The following KCNAB1 variants were observed in gnomAD, a reference collection of about 807,000 sequenced individuals.
KCNAB1 encodes voltage-gated potassium channel subunit beta-1.
A neutral mutation model predicts 64.6 loss-of-function variants in KCNAB1; 35 were observed. The ratio of observed to expected loss-of-function variants is 0.54; its 90% confidence interval spans 0.41 to 0.72. KCNAB1 has a LOEUF of 0.72. KCNAB1 is among the 30% of genes least tolerant of loss of function. The probability of loss-of-function intolerance (pLI) is 0.00; values close to 1 mark genes in which losing one functional copy is unlikely to be tolerated. For missense variants in KCNAB1, 401 were observed against 512.9 expected (o/e 0.78, Z 2.11); for synonymous variants, 177 against 183.8 (o/e 0.96, Z 0.30).
At chr3:156,284,806 T>C (rs541450657) in intron 1 of KCNAB1, among the ~76,000 whole-genome samples, 3 of 152,230 alleles carry the variant, frequency 2.0e-5, no homozygotes, top group Non-Finnish European at 4.4e-5. Context: ...AGTGAGGCAA[T>C]GCCTCACCCT....
chr3:156,232,479 G>A (rs1045954811), intron 1 of KCNAB1, among the ~76,000 whole-genome samples: 1 of 152,170 alleles, frequency 6.6e-6, no homozygotes, highest in African/African-American at 2.4e-5. Flanking sequence ...TTAGTTTCTT[G>A]TTTCTTGATC....
chr3:156,123,565 T>C (rs1347077972), intron 1 of KCNAB1, among the ~76,000 whole-genome samples: 1 of 152,228 alleles, frequency 6.6e-6, no homozygotes, highest in Non-Finnish European at 1.5e-5. Flanking sequence ...ACATTAGGTT[T>C]GTGGTAAGTA....
chr3:156,207,006 C>G (rs1714706677), intron 1 of KCNAB1, among the ~76,000 whole-genome samples: 1 of 152,188 alleles, frequency 6.6e-6, no homozygotes, highest in East Asian at 1.9e-4. Flanking sequence ...AATTGAGGGA[C>G]TGTAAATTTG....
intron 1 of KCNAB1, among the ~76,000 whole-genome samples, chr3:156,381,820 A>G (rs991086944): frequency 6.6e-5 from 10 of 152,186 alleles, no homozygotes; most frequent in Non-Finnish European, 1.2e-4. Context: ...AAAACTGGTA[A>G]TACCTATCCA....
intron 8 of KCNAB1, among the ~76,000 whole-genome samples, chr3:156,493,717 C>T (rs1267523827): frequency 3.3e-5 from 5 of 152,134 alleles, no homozygotes; most frequent in Non-Finnish European, 2.9e-5. Context: ...ATCAGCTCTT[C>T]AGGCTTTGTC....
intron 1 of KCNAB1, among the ~76,000 whole-genome samples, chr3:156,199,524 C>A (rs1399610728): frequency 1.3e-5 from 2 of 152,142 alleles, no homozygotes; most frequent in African/African-American, 4.8e-5. Context: ...CCTTTTCATT[C>A]TTTTTTCTCT....
Position 156,465,635 on chromosome 3 carries a change from C to T in KCNAB1, c.528-8C>T, listed in dbSNP as rs760821726. On this transcript the variant is annotated splice_region_variant and splice_polypyrimidine_tract_variant and intron_variant, in intron 6 of 13. Transcript: ENST00000490337. ...CATTCAAAGTTATTTGCTTCTTTTT[C>T]TTGGCAGAGCTGAAACAGAAAGAGG... 1.4e-5 allele frequency: 22 copies of T among 1,612,080 alleles called. No homozygotes were observed. Among genetic ancestry groups the T allele is most frequent in the Non-Finnish European group, 1.7e-5 (20 of 1,178,380 alleles).
intron 1 of KCNAB1, among the ~76,000 whole-genome samples, chr3:156,137,404 C>T (rs776447808): frequency 8.5e-5 from 13 of 152,218 alleles, no homozygotes; most frequent in East Asian, 1.9e-4. Flanking sequence ...CTGTAACATG[C>T]ACCCCCTCCC....
intron 1 of KCNAB1, among the ~76,000 whole-genome samples, chr3:156,287,607 A>G (rs1401458849): frequency 6.6e-6 from 1 of 152,144 alleles, no homozygotes; most frequent in Admixed American, 6.5e-5. Context: ...CGAGGTGGGC[A>G]GATCAGGTCA....
chr3:156,177,964 C>T (rs1197377315), intron 1 of KCNAB1, among the ~76,000 whole-genome samples: 2 of 152,036 alleles, frequency 1.3e-5, no homozygotes, highest in Non-Finnish European at 2.9e-5. Context: ...TCTCAAACTC[C>T]TGACTTCGTG....
intron 1 of KCNAB1, among the ~76,000 whole-genome samples, chr3:156,230,646 A>G (rs1716461928): frequency 6.6e-6 from 1 of 152,230 alleles, no homozygotes; most frequent in African/African-American, 2.4e-5. Flanking sequence ...AAAGATGTCA[A>G]CATCCAAATA....
At chr3:156,490,127 A>C (rs757482599) in intron 8 of KCNAB1, among the ~76,000 whole-genome samples, 9 of 152,074 alleles carry the variant, frequency 5.9e-5, no homozygotes, top group Non-Finnish European at 1.3e-4. Context: ...ATGAGACTTG[A>C]GACCCCAGAC....
intron 1 of KCNAB1, among the ~76,000 whole-genome samples, chr3:156,376,967 G>A: frequency 6.6e-6 from 1 of 152,058 alleles, no homozygotes; most frequent in East Asian, 1.9e-4. Flanking sequence ...CTCTTATTTT[G>A]TGTCAAACAG....
chr3:156,398,158 C>T (rs1369255107), intron 1 of KCNAB1, among the ~76,000 whole-genome samples: 2 of 152,122 alleles, frequency 1.3e-5, no homozygotes, highest in Non-Finnish European at 2.9e-5. Flanking sequence ...ACCACATGTT[C>T]TCACTCATAA....
chr3:156,281,379 G>A (rs1360441250), intron 1 of KCNAB1, among the ~76,000 whole-genome samples: 1 of 151,446 alleles, frequency 6.6e-6, no homozygotes, highest in African/African-American at 2.4e-5. Context: ...GTATTTTATT[G>A]AGGATTTTTG....
At chr3:156,403,892 T>TAA (rs200824639) in intron 1 of KCNAB1, among the ~76,000 whole-genome samples, 13 of 136,854 alleles carry the variant, frequency 9.5e-5, no homozygotes, top group African/African-American at 1.3e-4. Context: ...AGACTCTGCC[T>TAA]AAAAAAAAAA....
chr3:156,462,710 T>C (rs555495431), intron 5 of KCNAB1, among the ~76,000 whole-genome samples: 1 of 152,312 alleles, frequency 6.6e-6, no homozygotes, highest in East Asian at 1.9e-4. Context: ...GCGTTGACCC[T>C]ACAGATGATG....
At chr3:156,438,065 T>G (rs1716711683) in intron 2 of KCNAB1, among the ~76,000 whole-genome samples, 1 of 152,184 alleles carries the variant, frequency 6.6e-6, no homozygotes, top group African/African-American at 2.4e-5. Flanking sequence ...ATCTATTGCT[T>G]TGGAGCAATA....
intron 12 of KCNAB1, among the ~76,000 whole-genome samples, chr3:156,528,206 T>C (rs1436396660): frequency 1.3e-5 from 2 of 150,634 alleles, no homozygotes; most frequent in Non-Finnish European, 1.5e-5. Flanking sequence ...AAAGATTGGA[T>C]TGGTACTTTT....
Sources: allele counts gnomAD v4.1 joint callset (sites outside exome capture counted in the v4.1 genomes callset), GRCh38; gene constraint gnomAD v4.1.1; transcripts MANE v1.5; gene names NCBI Gene and HGNC (gene_info 2026-07-23, HGNC 2026-07-21).